Variants in PDE12 observed in about 807,000 individuals in gnomAD.
The protein encoded by PDE12 is 2',5'-phosphodiesterase 12.
In PDE12, 26 loss-of-function variants were observed where a neutral mutation model predicts 45.4. The observed-to-expected ratio is 0.57, with a 90% CI of 0.42 to 0.79. The LOEUF (loss-of-function observed/expected upper bound fraction) is 0.79, where lower values mean the gene tolerates loss of function less well. Ranked by LOEUF, PDE12 falls within the 30% of genes least tolerant of loss-of-function variation. The pLI is 0.00. For missense variants in PDE12, 668 were observed against 790.0 expected, an observed-to-expected ratio of 0.85 and a Z score of 1.85; for synonymous variants, 283 against 323.9, an observed-to-expected ratio of 0.87 and a Z score of 1.36.
chr3:57,559,706 A>G lies in PDE12; in HGVS notation c.1532A>G (p.Asn511Ser), dbSNP rs745800405. The G allele has an allele frequency of 5.6e-6, 9 of 1,614,178 alleles. No homozygotes were observed. Among genetic ancestry groups the G allele is most frequent in the South Asian group, 2.2e-5 (2 of 91,088 alleles). Residue 511 changes from asparagine (N) to serine (S), a missense_variant, in exon 3 of 3, where the codon AAT becomes AGT. Physicochemically the swap from Asn to Ser is conservative, Grantham distance 46. Around this residue, in one of 3 missense-constraint regions of PDE12, gnomAD observed 9 missense variants for 29.2 expected, o/e 0.31. Transcript: ENST00000311180. ...PSTGMYHFVI[N>S]GSIPEDHEDW... ...ACAGGAATGTATCATTTTGTCATCA[A>G]TGGCAGCATTCCAGAGGATCATGAA...
chr3:57,628,144 T>G, the PDE12 span: 13 of 1,557,942 alleles, frequency 8.3e-6, no homozygotes, highest in African/African-American at 1.6e-4. Flanking sequence ...ATCTCCTTTG[T>G]GCGTCTGGTT....
the PDE12 span, among the ~76,000 whole-genome samples, chr3:57,604,354 T>C: frequency 3.3e-5 from 5 of 152,158 alleles, no homozygotes; most frequent in African/African-American, 1.2e-4. Flanking sequence ...GTCTTCATGG[T>C]AAATGGTGGT....
chr3:57,653,525 C>T, the PDE12 span, among the ~76,000 whole-genome samples: 4 of 151,694 alleles, frequency 2.6e-5, no homozygotes, highest in South Asian at 2.1e-4. Context: ...GCGGGCAGAT[C>T]GTGAGGTCAG....
In PDE12 at chr3:57,562,744, G is replaced by A. The variant is rs1174108171; in HGVS notation, c.*2740G>A. 6.6e-6 allele frequency: 1 copy of A among 152,180 alleles called. No individual in the cohort carries two copies. The highest frequency in any genetic ancestry group is 2.4e-5 in the African/African-American group (1 of 41,452). The allele number at this position is 152,180 out of a possible 1,614,324, so 9.4% of individuals were successfully genotyped here. A position where few individuals can be genotyped will look rare whatever the true frequency, so the allele number is the denominator to read the frequency against. ...TGTTAAAATGAACTCTTGCACAGTT[G>A]CCGCTACAGCAAATGTGTCTGCCAA... On this transcript the variant is annotated 3_prime_UTR_variant, in exon 3 of 3. Coordinates refer to ENST00000311180, the MANE Select transcript of PDE12 (RefSeq NM_177966.7).
the PDE12 span, chr3:57,600,938 T>C: frequency 6.6e-6 from 1 of 152,178 alleles, no homozygotes; most frequent in Non-Finnish European, 1.5e-5. Context: ...ATCTTTCTTA[T>C]TTTTAAAAAT....
the PDE12 span, among the ~76,000 whole-genome samples, chr3:57,638,620 T>C: frequency 2.0e-5 from 3 of 152,040 alleles, no homozygotes; most frequent in Admixed American, 6.6e-5. Flanking sequence ...ATTGCGCCAC[T>C]GCACTCCAGC....
chr3:57,653,999 G>C, the PDE12 span, among the ~76,000 whole-genome samples: 1 of 137,244 alleles, frequency 7.3e-6, no homozygotes, highest in Admixed American at 7.8e-5. Context: ...CCAGGCTGGA[G>C]TGCAGTGGCA....
the PDE12 span, among the ~76,000 whole-genome samples, chr3:57,619,260 A>G: frequency 6.6e-6 from 1 of 151,676 alleles, no homozygotes; most frequent in Admixed American, 6.6e-5. Flanking sequence ...AGGCAGGAGA[A>G]TGGTGTGAAC....
the PDE12 span, chr3:57,641,531 A>T: frequency 1.5e-6 from 1 of 669,962 alleles, no homozygotes; most frequent in African/African-American, 1.9e-5. Flanking sequence ...AGGAAATTAT[A>T]CCCTTCTCCA....
chr3:57,645,548 A>T, the PDE12 span: 1 of 688,616 alleles, frequency 1.5e-6, no homozygotes, highest in Non-Finnish European at 2.3e-6. Flanking sequence ...GCAGCTCCTC[A>T]AACTTTCCTT....
chr3:57,601,743 C>CTTTTTTTTT, the PDE12 span, among the ~76,000 whole-genome samples: 1 of 103,728 alleles, frequency 9.6e-6, no homozygotes, highest in Non-Finnish European at 2.0e-5. Context: ...TTCTTTCCTT[C>CTTTTTTTTT]TTTTTTTTTT....
At position 57,561,435 on chromosome 3, in the gene PDE12, T is replaced by C; in HGVS notation, c.*1431T>C. On this transcript the variant is annotated 3_prime_UTR_variant, in exon 3 of 3. Coordinates refer to ENST00000311180, the MANE Select transcript of PDE12 (RefSeq NM_177966.7). ...AGTGTGTATATATGTAATATATATA[T>C]AGTAAAATGAAATTTAAATATGAAG... The C allele has an allele frequency of 1.0e-6, 1 of 961,082 alleles. No individual in the cohort carries two copies. 59.5% of individuals were successfully genotyped at this position (961,082 alleles called of 1,614,324 possible).
chr3:57,613,967 A>C, the PDE12 span, among the ~76,000 whole-genome samples: 3 of 151,968 alleles, frequency 2.0e-5, no homozygotes, highest in Non-Finnish European at 2.9e-5. Context: ...AGTATGGAAA[A>C]GATATACCCT....
chr3:57,568,323 C>T (rs1327376589), downstream of PDE12, among the ~76,000 whole-genome samples: 3 of 151,328 alleles, frequency 2.0e-5, no homozygotes, highest in Admixed American at 6.6e-5. Context: ...AGACTGATGG[C>T]GTGGGCCTGT....
At chr3:57,656,399 G>A in the PDE12 span, among the ~76,000 whole-genome samples, 4 of 152,086 alleles carry the variant, frequency 2.6e-5, no homozygotes, top group African/African-American at 9.6e-5. Context: ...GTGCATTCAT[G>A]TATTACATTT....
chr3:57,584,701 T>C, the PDE12 span, among the ~76,000 whole-genome samples: 1 of 152,150 alleles, frequency 6.6e-6, no homozygotes, highest in Non-Finnish European at 1.5e-5. Context: ...GTAACAAGTA[T>C]GTAGCTGACT....
the PDE12 span, among the ~76,000 whole-genome samples, chr3:57,585,258 A>G: frequency 7.2e-5 from 11 of 152,326 alleles, no homozygotes; most frequent in African/African-American, 2.2e-4. Context: ...ATTTTCTCTT[A>G]TTTACAGAGT....
the PDE12 span, among the ~76,000 whole-genome samples, chr3:57,601,597 C>T: frequency 6.6e-6 from 1 of 152,110 alleles, no homozygotes; most frequent in Non-Finnish European, 1.5e-5. Flanking sequence ...GGGCCTTGAG[C>T]ATCTGCAGAT....
chr3:57,630,929 C>A, the PDE12 span: 2 of 1,613,558 alleles, frequency 1.2e-6, no homozygotes, highest in Non-Finnish European at 1.7e-6. Context: ...TCATACCTTC[C>A]ATGGGGAAAT....
Sources: gnomAD v4.1 joint callset for allele counts (sites outside exome capture counted in the v4.1 genomes callset) on GRCh38, gnomAD v4.1.1 for gene constraint, gnomAD v4.1.1 regional missense constraint, MANE v1.5 for transcripts, NCBI Gene and HGNC (gene_info 2026-07-23, HGNC 2026-07-21) for gene names.